ICE2: variants seen among roughly 807,000 people sequenced by gnomAD.
ICE2 encodes little elongation complex subunit 2.
Under a neutral mutation model 105.4 loss-of-function variants are expected in ICE2, and 87 were observed. The observed-to-expected ratio is 0.83, with a 90% CI of 0.69 to 0.99. ICE2 has a LOEUF of 0.99. ICE2 is among the 50% of genes least tolerant of loss of function. The probability of loss-of-function intolerance (pLI) is 0.00; values close to 1 mark genes in which losing one functional copy is unlikely to be tolerated. For synonymous variants in ICE2, 399 were observed against 392.0 expected (o/e 1.02, Z -0.21); for missense variants, 1,323 against 1,146.7 (o/e 1.15, Z -2.22).
intron 14 of ICE2, among the ~76,000 whole-genome samples, chr15:60,430,882 C>CT (rs963625149): frequency 2.6e-5 from 4 of 151,422 alleles, no homozygotes; most frequent in African/African-American, 7.3e-5. Flanking sequence ...GCTCTATGTT[C>CT]TTTTTTTTTC....
At chr15:60,459,542 T>C (rs537634692) in intron 5 of ICE2, among the ~76,000 whole-genome samples, 18 of 152,266 alleles carry the variant, frequency 1.2e-4, no homozygotes, top group African/African-American at 4.3e-4. Flanking sequence ...TCAGGAAGAA[T>C]GAAAGAATCT....
rs1328956504 is a variant in ICE2 at position 60,456,582 on chromosome 15, T to TACACACAC, written c.666+74_666+75insGTGTGTGT. On this transcript the variant is annotated intron_variant, in intron 6 of 15. Coordinates refer to ENST00000261520, the MANE Select transcript of ICE2 (RefSeq NM_024611.6). ...AAATAAATAAATATATATATATATA[T>TACACACAC]ATACACACACACACACACACACACA... 240 of 129,174 alleles carry TACACACAC rather than the reference T, an allele frequency of 1.9e-3. 1 individual carries two copies. The highest frequency in any genetic ancestry group is 2.8e-3 in the Non-Finnish European group (189 of 68,512). The allele number at this position is 129,174 out of a possible 1,614,324, so 8.0% of individuals were successfully genotyped here. A position where few individuals can be genotyped will look rare whatever the true frequency, so the allele number is the denominator to read the frequency against.
intron 13 of ICE2, among the ~76,000 whole-genome samples, 197 bp from the exon 14 acceptor site, chr15:60,432,181 C>CTT (rs35081421): frequency 0.011 from 1,163 of 110,606 alleles, 19 homozygotes; most frequent in Non-Finnish European, 0.016. Flanking sequence ...AAAAAATTTC[C>CTT]TTTTTTTTTT....
At chr15:60,444,411 AG>A (rs2063780888) in intron 11 of ICE2, among the ~76,000 whole-genome samples, 1 of 152,158 alleles carries the variant, frequency 6.6e-6, no homozygotes, top group African/African-American at 2.4e-5. Flanking sequence ...ATCTTTCCTT[AG>A]TATCCCAAAA....
chr15:60,458,510 G>T (rs903371509), intron 5 of ICE2, among the ~76,000 whole-genome samples: 1 of 152,198 alleles, frequency 6.6e-6, no homozygotes, highest in African/African-American at 2.4e-5. Context: ...GCAGTGAGCA[G>T]TAAGAAAACC....
chr15:60,427,806 T>C (rs1236751417), intron 15 of ICE2, among the ~76,000 whole-genome samples: 1 of 152,222 alleles, frequency 6.6e-6, no homozygotes. Flanking sequence ...TAACTCTAGC[T>C]ATGGGTTTAT....
At chr15:60,444,745 C>A (rs539576781) in intron 11 of ICE2, among the ~76,000 whole-genome samples, 1 of 152,114 alleles carries the variant, frequency 6.6e-6, no homozygotes, top group South Asian at 2.1e-4. Context: ...AGTACAATGA[C>A]GCAATCTCAG....
At chr15:60,460,530 G>C (rs917237926) in intron 5 of ICE2, among the ~76,000 whole-genome samples, 1 of 152,266 alleles carries the variant, frequency 6.6e-6, no homozygotes, top group African/African-American at 2.4e-5. Flanking sequence ...ATGGTGACGA[G>C]GTAACTCAGT....
At chr15:60,461,387 T>A (rs1044359651) in intron 5 of ICE2, among the ~76,000 whole-genome samples, 1 of 152,082 alleles carries the variant, frequency 6.6e-6, no homozygotes, top group Admixed American at 6.5e-5. Flanking sequence ...ATCAGCAAAA[T>A]ACTTCAATAG....
intron 5 of ICE2, among the ~76,000 whole-genome samples, chr15:60,465,459 C>T: frequency 6.6e-6 from 1 of 152,094 alleles, no homozygotes; most frequent in Non-Finnish European, 1.5e-5. Flanking sequence ...AGGGCTGAAA[C>T]AATAGGTGTG....
intron 11 of ICE2, chr15:60,445,812 G>C (rs962386360): frequency 1.0e-6 from 1 of 983,108 alleles, no homozygotes; most frequent in African/African-American, 1.7e-5. Context: ...AATACAAAGT[G>C]GTATGGGTTC....
chr15:60,437,250 G>A (rs2063614516), intron 12 of ICE2, among the ~76,000 whole-genome samples: 1 of 151,406 alleles, frequency 6.6e-6, no homozygotes, highest in South Asian at 2.1e-4. Context: ...GTAAGACTCC[G>A]TCTCAAAAAA....
intron 9 of ICE2, chr15:60,451,508 C>A (rs1378983767): frequency 4.9e-5 from 48 of 984,762 alleles, no homozygotes; most frequent in Non-Finnish European, 5.7e-5. Flanking sequence ...CCACAGAAAT[C>A]AAAATAATTC....
At chr15:60,427,485 A>T (rs2063362563) in intron 15 of ICE2, among the ~76,000 whole-genome samples, 1 of 152,130 alleles carries the variant, frequency 6.6e-6, no homozygotes. Flanking sequence ...CAGTAGAGTG[A>T]TCTTGGGTCA....
chr15:60,452,057 C>T, intron 9 of ICE2: 1 of 982,894 alleles, frequency 1.0e-6, no homozygotes, highest in Non-Finnish European at 1.2e-6. Context: ...TGAAAGAAGC[C>T]ACTGTCAATT....
intron 11 of ICE2, among the ~76,000 whole-genome samples, chr15:60,447,300 T>C (rs578169739): frequency 1.3e-5 from 2 of 152,264 alleles, no homozygotes; most frequent in African/African-American, 4.8e-5. Flanking sequence ...CATGTAATAA[T>C]GGAAATCCAA....
chr15:60,456,676 T>A lies in ICE2; in HGVS notation c.647A>T (p.Glu216Val). 1 of 1,591,094 alleles carries A rather than the reference T, an allele frequency of 6.3e-7. No individual in the cohort carries two copies. Among genetic ancestry groups the A allele is most frequent in the Non-Finnish European group, 8.5e-7 (1 of 1,171,160 alleles). ...PFRVEMGLKL[E>V]KTLLALGSVK... The stretch of plus-strand genomic sequence containing the variant: ...CCTTACCAATGCGAGAAGAGTTTTT[T>A]CTAACTTTAATCCCATCTCTACTCT... The change falls in exon 6 of 16, where the codon GAA becomes GTA. Residue 216 changes from glutamate to valine, a missense_variant. Glu to Val is a moderately radical substitution (Grantham distance 121, BLOSUM62 -2). Transcript: ENST00000261520.
At chr15:60,457,090 C>G (rs942599575) in intron 5 of ICE2, among the ~76,000 whole-genome samples, 3 of 152,076 alleles carry the variant, frequency 2.0e-5, no homozygotes, top group African/African-American at 7.2e-5. Flanking sequence ...TTTCAACACA[C>G]TTTTCTGCAA....
At chr15:60,452,169 A>G in intron 9 of ICE2, 1 of 969,866 alleles carries the variant, frequency 1.0e-6, no homozygotes, top group African/African-American at 1.8e-5. Context: ...GTGTAAGAAG[A>G]AAACATAAGT....
Sources: gnomAD v4.1 joint callset for allele counts (sites outside exome capture counted in the v4.1 genomes callset) on GRCh38, gnomAD v4.1.1 for gene constraint, MANE v1.5 for transcripts, NCBI Gene and HGNC (gene_info 2026-07-23, HGNC 2026-07-21) for gene names.